The following MTR variants were observed in gnomAD, a reference collection of about 807,000 sequenced individuals.
MTR encodes 5-methyltetrahydrofolate-homocysteine methyltransferase.
A neutral mutation model predicts 154.8 loss-of-function variants in MTR; 84 were observed. The ratio of observed to expected loss-of-function variants is 0.54; its 90% CI spans 0.45 to 0.65. The LOEUF is 0.65. Among genes scored for constraint, MTR ranks in the 30% least tolerant of loss-of-function variants. The pLI is 0.00. For synonymous variants in MTR, 554 were observed against 553.9 expected (o/e 1.00, Z 0.00); for missense variants, 1,275 against 1,570.2 (o/e 0.81, Z 3.18).
At chr1:236,850,860 A>G (rs1228996389) in intron 16 of MTR, among the ~76,000 whole-genome samples, 2 of 152,156 alleles carry the variant, frequency 1.3e-5, no homozygotes, top group African/African-American at 4.8e-5. Context: ...CAAAAAAACC[A>G]CAGAACCTGA....
chr1:236,820,045 C>A (rs1572209364), intron 8 of MTR: 2 of 820,332 alleles, frequency 2.4e-6, no homozygotes, highest in African/African-American at 1.7e-5. Flanking sequence ...CTCATGGAGG[C>A]ATCTTTATGT....
At chr1:236,866,885 A>G (rs1431479491) in intron 22 of MTR, among the ~76,000 whole-genome samples, 2 of 152,204 alleles carry the variant, frequency 1.3e-5, no homozygotes, top group Non-Finnish European at 2.9e-5. Context: ...AATTTTGTGA[A>G]GGCTGAGAGA....
chr1:236,800,299 G>C, intron 1 of MTR: 1 of 985,376 alleles, frequency 1.0e-6, no homozygotes, highest in Non-Finnish European at 1.2e-6. Flanking sequence ...TTCTCCCTAG[G>C]AAGTTTGAAT....
chr1:236,820,815 T>G (rs1017789935), intron 8 of MTR, among the ~76,000 whole-genome samples: 2 of 152,178 alleles, frequency 1.3e-5, no homozygotes, highest in African/African-American at 4.8e-5. Context: ...CCAACATTTG[T>G]TTGGTGGTGT....
chr1:236,810,610 C>T lies in MTR; in HGVS notation c.502+15C>T, dbSNP rs773866407. On this transcript the variant is annotated intron_variant, in intron 5 of 32. Transcript: ENST00000366577. ...TAGGAACATCAGTGAGTATTTACCA[C>T]ATATAATCATTGATCTTGGGGAAGT... 5.0e-6 allele frequency: 8 copies of T among 1,594,540 alleles called. No individual in the cohort carries two copies. Among genetic ancestry groups the T allele is most frequent in the Non-Finnish European group, 6.0e-6 (7 of 1,162,358 alleles).
chr1:236,805,102 T>A (rs1008896488), intron 2 of MTR, among the ~76,000 whole-genome samples: 7 of 152,206 alleles, frequency 4.6e-5, no homozygotes, highest in Non-Finnish European at 1.0e-4. Context: ...TTGGTTTTTA[T>A]CTCCCAGTGC....
Position 236,826,964 on chromosome 1 carries a change from C to T in MTR, c.995+68C>T, listed in dbSNP as rs1662324819. The stretch of plus-strand genomic sequence containing the variant: ...AATCAGGTAATAATCTAAATATGTA[C>T]TTTTTGTTATGGGCTGAATTGTGTC... On this transcript the variant is annotated intron_variant, in intron 11 of 32. Coordinates refer to ENST00000366577, the MANE Select transcript of MTR (RefSeq NM_000254.3). The T allele has an allele frequency of 3.5e-6, 5 of 1,414,930 alleles. No individual in the cohort carries two copies. In the South Asian group the frequency reaches 5.8e-5, roughly 16 times the overall value. The allele number at this position is 1,414,930 out of a possible 1,614,324, so 87.6% of individuals were successfully genotyped here.
intron 23 of MTR, 30 bp from the exon 24 acceptor site, chr1:236,874,696 T>A: frequency 3.4e-6 from 5 of 1,462,762 alleles, no homozygotes; most frequent in Non-Finnish European, 4.5e-6. Context: ...GTCCTTTTTG[T>A]CCTTTTTTTT....
At chr1:236,795,790 G>T (rs753697706) in intron 1 of MTR, 53 bp downstream of exon 1, 35 of 1,613,156 alleles carry the variant, frequency 2.2e-5, no homozygotes, top group Non-Finnish European at 3.0e-5. Context: ...AACTCGTGCT[G>T]TGGCCTCCTA....
intron 18 of MTR, among the ~76,000 whole-genome samples, chr1:236,856,452 CCTT>C (rs925971544): frequency 8.6e-5 from 13 of 151,820 alleles, no homozygotes; most frequent in Non-Finnish European, 1.0e-4. Flanking sequence ...TTCCTCCTCT[CCTT>C]CTTCTTTCTT....
intron 18 of MTR, among the ~76,000 whole-genome samples, chr1:236,858,499 C>T (rs1386205543): frequency 6.6e-6 from 1 of 152,178 alleles, no homozygotes; most frequent in African/African-American, 2.4e-5. Context: ...GGTAAGGAAT[C>T]AGTACCATGT....
At chr1:236,827,147 C>T (rs746437542) in intron 11 of MTR, among the ~76,000 whole-genome samples, 2 of 152,116 alleles carry the variant, frequency 1.3e-5, no homozygotes, top group African/African-American at 2.4e-5. Context: ...GACACAAATG[C>T]GCACACAGAG....
chr1:236,825,565 A>G (rs547570738), intron 10 of MTR, among the ~76,000 whole-genome samples, 166 bp downstream of exon 10: 1 of 152,340 alleles, frequency 6.6e-6, no homozygotes, highest in African/African-American at 2.4e-5. Context: ...GGGGAGGGCT[A>G]ACTGTCAGCA....
At chr1:236,827,021 C>T (rs1558290741) in intron 11 of MTR, 125 bp downstream of exon 11, 3 of 854,636 alleles carry the variant, frequency 3.5e-6, no homozygotes, top group Non-Finnish European at 3.8e-6. Flanking sequence ...AGTTCTAACC[C>T]CTACTGTTTC....
At position 236,885,194 on chromosome 1, in the gene MTR, G is replaced by A; in HGVS notation, c.2750G>A (p.Arg917Lys). ...ATCATGGAAGAATATGAAGATATTA[G>A]ACAGGACCATTATGAGTCTCTCAAG... ...EEIMEEYEDI[R>K]QDHYESLKER... Residue 917 changes from arginine to lysine, a missense_variant, in exon 26 of 33, where the codon AGA (arginine) becomes AAA (lysine). Physicochemically the swap from Arg to Lys is conservative, Grantham distance 26 (BLOSUM62 2). Coordinates refer to ENST00000366577, the MANE Select transcript of MTR (RefSeq NM_000254.3). 1 of 1,603,402 alleles carries A rather than the reference G, an allele frequency of 6.2e-7. No individual in the cohort carries two copies. The highest frequency in any genetic ancestry group is 2.2e-5 in the East Asian group (1 of 44,830).
intron 24 of MTR, among the ~76,000 whole-genome samples, chr1:236,876,307 C>G (rs551387131): frequency 5.9e-5 from 9 of 152,152 alleles, no homozygotes; most frequent in Non-Finnish European, 2.9e-5. Flanking sequence ...GTTTGACTAT[C>G]GTTGCTTAAC....
At chr1:236,870,947 T>G (rs765367172) in intron 22 of MTR, among the ~76,000 whole-genome samples, 2 of 152,172 alleles carry the variant, frequency 1.3e-5, no homozygotes, top group Non-Finnish European at 2.9e-5. Flanking sequence ...ATCTGACCAC[T>G]TCTCACTACC....
At chr1:236,844,453 CGTGTGTGTGTGTGTGTGT>C (rs58179715) in intron 15 of MTR, among the ~76,000 whole-genome samples, 2,892 of 145,452 alleles carry the variant, frequency 0.02, 110 homozygotes, top group African/African-American at 0.068. Context: ...TCAGAAAGGG[CGTGTGTGTGTGTGTGTGT>C]GTGTGTGTGT....
intron 24 of MTR, among the ~76,000 whole-genome samples, chr1:236,876,980 GC>G (rs1489770386): frequency 1.3e-5 from 2 of 152,166 alleles, no homozygotes; most frequent in Non-Finnish European, 2.9e-5. Context: ...TTCTGTATGA[GC>G]CCTGCCTCTT....
Sources: gnomAD v4.1 joint callset for allele counts (sites outside exome capture counted in the v4.1 genomes callset) on GRCh38, gnomAD v4.1.1 for gene constraint, MANE v1.5 for transcripts, NCBI Gene and HGNC (gene_info 2026-07-23, HGNC 2026-07-21) for gene names.